The following ATP8A1 variants were observed in gnomAD, a reference collection of about 807,000 sequenced individuals.
The protein encoded by ATP8A1 is ATPase phospholipid transporting 8A1.
In ATP8A1, 90 loss-of-function variants were observed where a neutral mutation model predicts 177.7. The ratio of observed to expected loss-of-function variants is 0.51; its 90% confidence interval spans 0.43 to 0.60. ATP8A1 has a LOEUF of 0.60. Ranked by LOEUF, ATP8A1 falls within the 20% of genes least tolerant of loss-of-function variation. ATP8A1 has a pLI of 0.00. For synonymous variants in ATP8A1, 493 were observed against 485.9 expected (o/e 1.01, Z -0.19); for missense variants, 1,072 against 1,392.8 (o/e 0.77, Z 3.67).
In ATP8A1 at chr4:42,423,624, A is replaced by ACAC; in HGVS notation, c.3202_3204dup (p.Val1068dup). 6.2e-7 allele frequency: 1 copy of ACAC among 1,608,868 alleles called. No homozygotes were observed. The highest frequency in any genetic ancestry group is 8.5e-7 in the Non-Finnish European group (1 of 1,176,410). ...AACTGAGTATATACTTACACCTTGT[A>ACAC]CACCACATCAAGGAGCAGAGATGCC... On this transcript the variant is annotated inframe_insertion, in exon 34 of 37. Coordinates refer to ENST00000381668, the MANE Select transcript of ATP8A1 (RefSeq NM_006095.2).
intron 25 of ATP8A1, 120 bp from the exon 26 acceptor site, chr4:42,465,196 T>G (rs974146306): frequency 1.4e-5 from 12 of 873,546 alleles, no homozygotes; most frequent in African/African-American, 1.4e-4. Flanking sequence ...AGAAACCTTA[T>G]GATAAAGTTT....
At chr4:42,589,245 TTCTAA>T (rs1274204546) in intron 7 of ATP8A1, among the ~76,000 whole-genome samples, 3 of 152,230 alleles carry the variant, frequency 2.0e-5, no homozygotes, top group African/African-American at 7.2e-5. Flanking sequence ...AAGAAAAGCA[TTCTAA>T]TCTAATTAAT....
At chr4:42,555,085 G>GTATCTATCTATATC (rs1347314877) in intron 16 of ATP8A1, among the ~76,000 whole-genome samples, 11 of 119,574 alleles carry the variant, frequency 9.2e-5, no homozygotes, top group African/African-American at 3.5e-4. Context: ...CTTTGTGTGT[G>GTATCTATCTATATC]TATCTATCTA....
chr4:42,518,835 T>A (rs1237961107), intron 22 of ATP8A1, among the ~76,000 whole-genome samples: 1 of 152,128 alleles, frequency 6.6e-6, no homozygotes, highest in Non-Finnish European at 1.5e-5. Flanking sequence ...AAAGCCAGGG[T>A]AACATTCTGG....
At chr4:42,593,569 A>G (rs1412216152) in intron 6 of ATP8A1, among the ~76,000 whole-genome samples, 2 of 152,080 alleles carry the variant, frequency 1.3e-5, no homozygotes, top group Non-Finnish European at 2.9e-5. Context: ...CCATATTCAT[A>G]TGTGGATTTA....
intron 25 of ATP8A1, among the ~76,000 whole-genome samples, chr4:42,485,186 A>C (rs550487184): frequency 1.3e-5 from 2 of 152,314 alleles, no homozygotes; most frequent in South Asian, 4.1e-4. Context: ...CAAAGATTTA[A>C]ATATAGACAA....
intron 33 of ATP8A1, among the ~76,000 whole-genome samples, chr4:42,438,535 G>A (rs1393268892): frequency 6.6e-6 from 1 of 152,160 alleles, no homozygotes; most frequent in Admixed American, 6.5e-5. Flanking sequence ...TCTAAATAGG[G>A]TTGAGGGAGT....
At chr4:42,635,888 T>C (rs532518138) in intron 1 of ATP8A1, among the ~76,000 whole-genome samples, 171 of 148,138 alleles carry the variant, frequency 1.2e-3, no homozygotes, top group South Asian at 2.8e-3. Flanking sequence ...TACAGAAAGG[T>C]TGAGGAAGAT....
intron 29 of ATP8A1, among the ~76,000 whole-genome samples, chr4:42,453,846 C>T (rs963606236): frequency 6.6e-6 from 1 of 152,142 alleles, no homozygotes; most frequent in Non-Finnish European, 1.5e-5. Flanking sequence ...GCTCTCAGAT[C>T]ACTTTTTCAG....
At chr4:42,507,621 C>T (rs775774538) in intron 22 of ATP8A1, among the ~76,000 whole-genome samples, 18 of 148,580 alleles carry the variant, frequency 1.2e-4, no homozygotes, top group Non-Finnish European at 1.9e-4. Flanking sequence ...TCTAGCTACT[C>T]GGGAGGCTGA....
chr4:42,548,439 A>G (rs940310798), intron 19 of ATP8A1, among the ~76,000 whole-genome samples: 4 of 152,184 alleles, frequency 2.6e-5, no homozygotes, highest in Admixed American at 1.3e-4. Context: ...GTATTTGTAC[A>G]TATTTATGGG....
chr4:42,648,526 T>C (rs1740776350), intron 1 of ATP8A1, among the ~76,000 whole-genome samples: 1 of 152,062 alleles, frequency 6.6e-6, no homozygotes, highest in African/African-American at 2.4e-5. Flanking sequence ...GGCCTCACAT[T>C]TCACCACAAA....
At chr4:42,489,581 C>T (rs967370762) in intron 24 of ATP8A1, among the ~76,000 whole-genome samples, 7 of 152,306 alleles carry the variant, frequency 4.6e-5, no homozygotes, top group African/African-American at 1.2e-4. Flanking sequence ...AAGCTGCAAA[C>T]ATTTTCTCAT....
intron 14 of ATP8A1, among the ~76,000 whole-genome samples, chr4:42,569,881 G>A (rs973175248): frequency 1.3e-5 from 2 of 152,146 alleles, no homozygotes; most frequent in African/African-American, 4.8e-5. Context: ...TCTGATAGAT[G>A]TACTTCATTT....
rs1392148813 is a variant in ATP8A1, at chr4:42,552,591, C to T, written c.1433G>A (p.Cys478Tyr). The T allele has an allele frequency of 6.2e-7, 1 of 1,613,566 alleles. No homozygotes were observed. Among genetic ancestry groups the T allele is most frequent in the Non-Finnish European group, 8.5e-7 (1 of 1,179,826 alleles). Residue 478 changes from cysteine (C) to tyrosine (Y), a missense_variant, in exon 17 of 37, where the codon TGT (cysteine) becomes TAT (tyrosine). Physicochemically the swap from Cys to Tyr is radical, Grantham distance 194. Transcript: ENST00000381668. ...GACTGCCATCATTGTAAGAAATTCACATATTATAGGTGCAGTTGGCTGTGA... is the reference window on the plus strand; with the variant it reads ...GACTGCCATCATTGTAAGAAATTCATATATTATAGGTGCAGTTGGCTGTGA... ...QNNHPTAPII[C>Y]EFLTMMAVCH...
At chr4:42,435,714 C>T (rs1408140845) in intron 33 of ATP8A1, among the ~76,000 whole-genome samples, 1 of 152,154 alleles carries the variant, frequency 6.6e-6, no homozygotes, top group East Asian at 1.9e-4. Context: ...CCGTTGCCAC[C>T]TTGGAGAATG....
At chr4:42,461,333 A>G (rs989804732) in intron 27 of ATP8A1, among the ~76,000 whole-genome samples, 5 of 151,344 alleles carry the variant, frequency 3.3e-5, no homozygotes, top group African/African-American at 1.2e-4. Context: ...TCCCCAGCCA[A>G]ATCTCATCTT....
chr4:42,563,883 T>G (rs182042787), intron 15 of ATP8A1, among the ~76,000 whole-genome samples: 2 of 152,246 alleles, frequency 1.3e-5, no homozygotes, highest in Non-Finnish European at 2.9e-5. Flanking sequence ...TCACCTGAGG[T>G]CAGGAGTACA....
Position 42,504,209 on chromosome 4 carries a change from T to C in ATP8A1, c.2087-695A>G, listed in dbSNP as rs115718040. 1.4e-3 allele frequency among the ~76,000 whole-genome samples: 206 copies of C among 152,326 alleles called. 1 individual carries two copies. The highest frequency in any genetic ancestry group is 4.7e-3 in the African/African-American group (196 of 41,564). ...ATGTATCATCTAAATGTTGACCATTTTGAAACTCCTATGTTCAACTCAGCC... is the reference window on the plus strand; with the variant it reads ...ATGTATCATCTAAATGTTGACCATTCTGAAACTCCTATGTTCAACTCAGCC... On this transcript the variant is annotated intron_variant, in intron 23 of 36. Coordinates refer to ENST00000381668, the MANE Select transcript of ATP8A1 (RefSeq NM_006095.2).
Sources: allele counts gnomAD v4.1 joint callset (sites outside exome capture counted in the v4.1 genomes callset), GRCh38; gene constraint gnomAD v4.1.1; transcripts MANE v1.5; gene names NCBI Gene and HGNC (gene_info 2026-07-23, HGNC 2026-07-21).